AGMO: variants seen among roughly 807,000 people sequenced by gnomAD.
AGMO encodes the protein alkylglycerol monooxygenase, also known as glyceryl-ether monooxygenase.
A neutral mutation model predicts 60.2 loss-of-function variants in AGMO; 75 were observed. The observed-to-expected ratio is 1.25, with a 90% CI of 1.03 to 1.51. The LOEUF is 1.51. AGMO is among the 40% of genes most tolerant of loss of function. The pLI is 0.00. For synonymous variants in AGMO, 261 were observed against 177.1 expected (o/e 1.47, Z -3.76); for missense variants, 763 against 525.5 (o/e 1.45, Z -4.42).
At chr7:15,349,414 G>C (rs918601652) in intron 12 of AGMO, among the ~76,000 whole-genome samples, 1 of 152,028 alleles carries the variant, frequency 6.6e-6, no homozygotes, top group African/African-American at 2.4e-5. Flanking sequence ...GACTTTATAG[G>C]TTGAAAGGGC....
At chr7:15,119,753 A>G in the AGMO span, among the ~76,000 whole-genome samples, 1 of 152,024 alleles carries the variant, frequency 6.6e-6, no homozygotes, top group South Asian at 2.1e-4. Flanking sequence ...TCTTTTTCTT[A>G]ACTAGACACT....
At chr7:15,555,201 T>C (rs1395427361) in intron 2 of AGMO, among the ~76,000 whole-genome samples, 2 of 150,612 alleles carry the variant, frequency 1.3e-5, no homozygotes, top group Admixed American at 6.7e-5. Flanking sequence ...AATAAATCAA[T>C]ATTTAAAAAA....
chr7:15,238,483 A>G (rs1248692529), intron 12 of AGMO, among the ~76,000 whole-genome samples: 1 of 151,860 alleles, frequency 6.6e-6, no homozygotes. Context: ...TCCTGATTTG[A>G]TCATTATACA....
chr7:15,423,282 A>G (rs1780972585), intron 4 of AGMO, among the ~76,000 whole-genome samples: 1 of 152,190 alleles, frequency 6.6e-6, no homozygotes, highest in Non-Finnish European at 1.5e-5. Context: ...ATTAGTAATG[A>G]CACAGATCAA....
At chr7:15,428,597 C>A (rs62439302) in intron 4 of AGMO, among the ~76,000 whole-genome samples, 23,618 of 152,120 alleles carry the variant, frequency 0.16, 1,978 homozygotes, top group Middle Eastern at 0.19. Context: ...CAAGCTCCAA[C>A]TTGGCATTGC....
At chr7:15,515,388 C>G (rs964302997) in intron 3 of AGMO, among the ~76,000 whole-genome samples, 1 of 152,278 alleles carries the variant, frequency 6.6e-6, no homozygotes, top group Middle Eastern at 3.4e-3. Flanking sequence ...AGAACCCAAA[C>G]GGTTCCTTTC....
chr7:15,173,879 T>C, the AGMO span, among the ~76,000 whole-genome samples: 1 of 151,754 alleles, frequency 6.6e-6, no homozygotes, highest in South Asian at 2.1e-4. Flanking sequence ...TTAGGAAATA[T>C]CTTTCAGGTA....
intron 3 of AGMO, among the ~76,000 whole-genome samples, chr7:15,509,675 G>T (rs180759483): frequency 2.6e-5 from 4 of 152,016 alleles, no homozygotes; most frequent in Admixed American, 2.0e-4. Flanking sequence ...TCTAATAAAA[G>T]GTATATGACC....
chr7:15,312,447 G>C (rs1389764539), intron 12 of AGMO, among the ~76,000 whole-genome samples: 2 of 149,428 alleles, frequency 1.3e-5, no homozygotes, highest in African/African-American at 4.9e-5. Context: ...CCTCTCAAGG[G>C]AGTCATGGAA....
chr7:15,271,476 T>C (rs770033694), intron 12 of AGMO, among the ~76,000 whole-genome samples: 2 of 152,194 alleles, frequency 1.3e-5, no homozygotes, highest in Non-Finnish European at 2.9e-5. Flanking sequence ...TTGATCATTA[T>C]TGATGTATAG....
chr7:15,322,461 TATATAA>T (rs1156410008), intron 12 of AGMO, among the ~76,000 whole-genome samples: 229 of 79,538 alleles, frequency 2.9e-3, no homozygotes, highest in Middle Eastern at 0.016. Flanking sequence ...TATATAAATA[TATATAA>T]ATATATAAAT....
At position 15,458,908 on chromosome 7, in the gene AGMO, A is replaced by G. The variant is rs570322521; in HGVS notation, c.410-27800T>C. Among the ~76,000 whole-genome samples the G allele has an allele frequency of 1.5e-3, 224 of 152,298 alleles. 1 individual carries two copies. Among genetic ancestry groups the G allele is most frequent in the South Asian group, 6.2e-3 (30 of 4,828 alleles). On this transcript the variant is annotated intron_variant, in intron 3 of 12. Coordinates refer to ENST00000342526, the MANE Select transcript of AGMO (RefSeq NM_001004320.2). ...CTTATAATTAGCTTTCCAAAACTTC[A>G]GCTTACATTAGTTATTTTCCATCAT...
the AGMO span, among the ~76,000 whole-genome samples, chr7:15,163,814 G>C: frequency 6.6e-6 from 1 of 151,486 alleles, no homozygotes; most frequent in South Asian, 2.1e-4. Flanking sequence ...GCCTGATTTT[G>C]ATATCAGGAT....
At chr7:15,266,692 A>G (rs771087778) in intron 12 of AGMO, among the ~76,000 whole-genome samples, 9 of 151,864 alleles carry the variant, frequency 5.9e-5, no homozygotes, top group Non-Finnish European at 7.4e-5. Flanking sequence ...ATGAGTTTTC[A>G]TTAAATTATT....
chr7:15,311,190 T>A (rs1349629894), intron 12 of AGMO, among the ~76,000 whole-genome samples: 4 of 152,026 alleles, frequency 2.6e-5, no homozygotes, highest in African/African-American at 9.7e-5. Context: ...TAAAAAAAAA[T>A]TATCAAAAGC....
At chr7:15,214,540 G>T (rs532995504) in intron 12 of AGMO, among the ~76,000 whole-genome samples, 2 of 152,086 alleles carry the variant, frequency 1.3e-5, no homozygotes, top group African/African-American at 4.8e-5. Flanking sequence ...CAAGGCTGAG[G>T]AAAGTAACCA....
At chr7:15,176,443 T>C in the AGMO span, among the ~76,000 whole-genome samples, 5 of 152,104 alleles carry the variant, frequency 3.3e-5, no homozygotes, top group Admixed American at 3.3e-4. Context: ...GGATATTTTA[T>C]ACAATGTATG....
chr7:15,553,567 T>C (rs1785038612), intron 2 of AGMO, among the ~76,000 whole-genome samples: 1 of 151,904 alleles, frequency 6.6e-6, no homozygotes, highest in Non-Finnish European at 1.5e-5. Flanking sequence ...CCACCAGCCT[T>C]ATAAATATTC....
the AGMO span, among the ~76,000 whole-genome samples, chr7:15,163,379 G>A: frequency 2.0e-5 from 3 of 152,066 alleles, no homozygotes; most frequent in Admixed American, 2.0e-4. Flanking sequence ...TGGTGAGAGT[G>A]GACATCTTTG....
Sources: gnomAD v4.1 joint callset for allele counts (sites outside exome capture counted in the v4.1 genomes callset) on GRCh38, gnomAD v4.1.1 for gene constraint, MANE v1.5 for transcripts, NCBI Gene and HGNC (gene_info 2026-07-23, HGNC 2026-07-21) for gene names.